Variants in UGCG observed in about 807,000 individuals in gnomAD.
The protein encoded by UGCG is UDP-glucose ceramide glucosyltransferase.
In UGCG, 10 loss-of-function variants were observed where a neutral mutation model predicts 49.5. The ratio of observed to expected loss-of-function variants is 0.20; its 90% CI spans 0.12 to 0.34. UGCG has a LOEUF of 0.34. UGCG is among the 10% of genes least tolerant of loss of function. The probability of loss-of-function intolerance (pLI) is 1.00; values close to 1 mark genes in which losing one functional copy is unlikely to be tolerated. For missense variants in UGCG, 312 were observed against 483.7 expected (o/e 0.65, Z 3.33); for synonymous variants, 182 against 158.2 (o/e 1.15, Z -1.13).
rs777406543 is a variant in UGCG at position 111,932,369 on chromosome 9, T to G, written c.1014+10T>G. 1 of 1,609,952 alleles carries G rather than the reference T, an allele frequency of 6.2e-7. No homozygotes were observed. Among genetic ancestry groups the G allele is most frequent in the Non-Finnish European group, 8.5e-7 (1 of 1,177,540 alleles). ...ACTCAGGGGTGTCCAGGTATGTGGA[T>G]AGGCATGAAAAGGTTGGCAGTCCCT... On this transcript the variant is annotated intron_variant, in intron 8 of 8. Transcript: ENST00000374279.
At chr9:111,922,145 TAAG>T (rs1433937240) in intron 2 of UGCG, among the ~76,000 whole-genome samples, 1 of 152,134 alleles carries the variant, frequency 6.6e-6, no homozygotes. Context: ...GGGCAAGTGT[TAAG>T]AAATGCCTTT....
At chr9:111,931,838 G>C (rs1172567689) in intron 7 of UGCG, among the ~76,000 whole-genome samples, 1 of 152,004 alleles carries the variant, frequency 6.6e-6, no homozygotes. Flanking sequence ...ACCAGCCTGG[G>C]CAAAATGGTG....
intron 5 of UGCG, among the ~76,000 whole-genome samples, chr9:111,928,337 C>T (rs1480087057): frequency 6.6e-6 from 1 of 152,112 alleles, no homozygotes; most frequent in Non-Finnish European, 1.5e-5. Flanking sequence ...TTCTAGTATA[C>T]CAAATTGTAT....
intron 1 of UGCG, among the ~76,000 whole-genome samples, chr9:111,907,546 C>G (rs1245504618): frequency 6.6e-6 from 1 of 151,842 alleles, no homozygotes; most frequent in Non-Finnish European, 1.5e-5. Context: ...AGATACCAGA[C>G]ATTTTGAATT....
At chr9:111,900,859 TG>T in intron 1 of UGCG, among the ~76,000 whole-genome samples, 1 of 152,286 alleles carries the variant, frequency 6.6e-6, no homozygotes, top group South Asian at 2.1e-4. Context: ...TCCTTTATTT[TG>T]TTTATTGTTA....
At chr9:111,929,331 C>T (rs1011799773) in intron 5 of UGCG, 169 bp from the exon 6 acceptor site, 28 of 574,864 alleles carry the variant, frequency 4.9e-5, no homozygotes, top group African/African-American at 4.7e-4. Flanking sequence ...ACTGTGCTTG[C>T]TCTATGAAAG....
At chr9:111,915,946 C>CA (rs1838102738) in intron 2 of UGCG, 2 of 391,924 alleles carry the variant, frequency 5.1e-6, no homozygotes, top group Non-Finnish European at 3.5e-6. Flanking sequence ...TGTTTTGAAG[C>CA]AAAAAAATTA....
intron 1 of UGCG, among the ~76,000 whole-genome samples, chr9:111,898,856 T>C (rs759091153): frequency 6.6e-6 from 1 of 152,148 alleles, no homozygotes; most frequent in Non-Finnish European, 1.5e-5. Context: ...GACTATATTA[T>C]GATTATTGTT....
chr9:111,909,772 AGTAATTT>A (rs1443389690), intron 1 of UGCG, among the ~76,000 whole-genome samples: 1 of 152,242 alleles, frequency 6.6e-6, no homozygotes, highest in Non-Finnish European at 1.5e-5. Context: ...AAACATTTCA[AGTAATTT>A]GTACCACATG....
chr9:111,897,521 T>C (rs1245062511), intron 1 of UGCG, among the ~76,000 whole-genome samples: 3 of 151,824 alleles, frequency 2.0e-5, no homozygotes, highest in Admixed American at 6.6e-5. Context: ...GTGGGAAGGG[T>C]TTGCTGGGTT....
intron 2 of UGCG, among the ~76,000 whole-genome samples, chr9:111,916,367 G>A (rs775915349): frequency 6.6e-6 from 1 of 152,158 alleles, no homozygotes; most frequent in East Asian, 1.9e-4. Flanking sequence ...CTTAAAATTG[G>A]TCATGGAATT....
In UGCG at chr9:111,897,293, T is replaced by G. The variant is rs779325294; in HGVS notation, c.78T>G (p.His26Gln). The change falls in exon 1 of 9, where the codon CAT becomes CAG. Residue 26 changes from histidine (H) to glutamine (Q), a missense_variant. His to Gln is a conservative substitution (Grantham distance 24). Coordinates refer to ENST00000374279, the MANE Select transcript of UGCG (RefSeq NM_003358.3). ...FVLFLVLWLM[H>Q]FMAIIYTRLH... ...TCTTCTTGGTGCTGTGGCTGATGCA[T>G]TTCATGGCTATCATCTACACGTGAG... is the stretch of plus-strand genomic sequence containing the variant. The G allele has an allele frequency of 6.4e-7, 1 of 1,558,604 alleles. No individual in the cohort carries two copies. Among genetic ancestry groups the G allele is most frequent in the Non-Finnish European group, 8.7e-7 (1 of 1,151,662 alleles).
At chr9:111,909,367 T>C (rs1168281138) in intron 1 of UGCG, among the ~76,000 whole-genome samples, 1 of 152,228 alleles carries the variant, frequency 6.6e-6, no homozygotes. Flanking sequence ...TATTCTGTCA[T>C]CCACATCTCA....
intron 2 of UGCG, among the ~76,000 whole-genome samples, chr9:111,921,540 G>C (rs1838221194): frequency 6.6e-6 from 1 of 151,476 alleles, no homozygotes; most frequent in Non-Finnish European, 1.5e-5. Flanking sequence ...AGCTACTCCT[G>C]TTTGGGAGGC....
At chr9:111,912,051 T>TATATATCCTGTTGAATC (rs1838021134) in intron 1 of UGCG, among the ~76,000 whole-genome samples, 1 of 143,482 alleles carries the variant, frequency 7.0e-6, no homozygotes, top group Non-Finnish European at 1.5e-5. Context: ...TATATATATA[T>TATATATCCTGTTGAATC]ATCCTGTTGA....
In UGCG at chr9:111,932,227, A is replaced by C. The variant is rs773820421; in HGVS notation, c.882A>C (p.Ser294=). 1 of 1,614,072 alleles carries C rather than the reference A, an allele frequency of 6.2e-7. No homozygotes were observed. Among genetic ancestry groups the C allele is most frequent in the Non-Finnish European group, 8.5e-7 (1 of 1,180,038 alleles). The change falls in exon 8 of 9, where the codon TCA becomes TCC. Residue 294 remains serine (S), a synonymous_variant. Coordinates refer to ENST00000374279, the MANE Select transcript of UGCG (RefSeq NM_003358.3). ...CTACAATAATTTGTGAGCCAATTTC[A>C]GAATGCTTTGTTGCCAGTTTAATTA... ...LPATIICEPI[S]ECFVASLIIG...
intron 1 of UGCG, among the ~76,000 whole-genome samples, chr9:111,900,944 C>T (rs920517748): frequency 2.7e-4 from 41 of 152,054 alleles, no homozygotes; most frequent in African/African-American, 3.9e-4. Context: ...ATCCCAGGCT[C>T]GAGCAATTCT....
intron 1 of UGCG, among the ~76,000 whole-genome samples, chr9:111,912,209 C>T (rs1364392477): frequency 6.6e-6 from 1 of 151,658 alleles, no homozygotes; most frequent in Non-Finnish European, 1.5e-5. Context: ...GTGGTTTTAC[C>T]TGTCTGGTCC....
chr9:111,920,963 C>T (rs754020469), intron 2 of UGCG, among the ~76,000 whole-genome samples: 23 of 151,494 alleles, frequency 1.5e-4, no homozygotes, highest in East Asian at 2.0e-4. Flanking sequence ...AGTGCAGTGG[C>T]GTGATCTGGG....
Sources: allele counts gnomAD v4.1 joint callset (sites outside exome capture counted in the v4.1 genomes callset), GRCh38; gene constraint gnomAD v4.1.1; transcripts MANE v1.5; gene names NCBI Gene and HGNC (gene_info 2026-07-23, HGNC 2026-07-21).